SOHLH2: variants seen among roughly 807,000 people sequenced by gnomAD.
SOHLH2 encodes spermatogenesis- and oogenesis-specific basic helix-loop-helix-containing protein 2.
SOHLH2 carries 22 observed loss-of-function variants against 50.4 expected under a neutral mutation model. That is an observed-to-expected ratio of 0.44 (90% confidence interval 0.31 to 0.62). The LOEUF (loss-of-function observed/expected upper bound fraction) is 0.62, where lower values mean the gene tolerates loss of function less well. Ranked by LOEUF, SOHLH2 falls within the 20% of genes least tolerant of loss-of-function variation. The pLI is 0.08. For missense variants in SOHLH2, 412 were observed against 504.4 expected (o/e 0.82, Z 1.76); for synonymous variants, 185 against 187.3 (o/e 0.99, Z 0.10).
chr13:36,204,814 TA>T (rs1456442398), intron 1 of SOHLH2, among the ~76,000 whole-genome samples: 1 of 152,220 alleles, frequency 6.6e-6, no homozygotes, highest in Non-Finnish European at 1.5e-5. Flanking sequence ...GGAACCTTGT[TA>T]AAGTTTTAAT....
intron 2 of SOHLH2, among the ~76,000 whole-genome samples, chr13:36,198,748 T>G (rs975511206): frequency 6.6e-6 from 1 of 152,230 alleles, no homozygotes; most frequent in African/African-American, 2.4e-5. Flanking sequence ...ATAAATCTAA[T>G]ATTATAGCTA....
chr13:36,170,337 C>A (rs1006756001), intron 10 of SOHLH2, among the ~76,000 whole-genome samples, 194 bp downstream of exon 10: 1 of 152,152 alleles, frequency 6.6e-6, no homozygotes, highest in African/African-American at 2.4e-5. Context: ...TATCGAGACA[C>A]CAGCCCTGCA....
intron 6 of SOHLH2, among the ~76,000 whole-genome samples, chr13:36,185,937 T>C (rs996662099): frequency 1.3e-5 from 2 of 152,062 alleles, no homozygotes; most frequent in African/African-American, 2.4e-5. Context: ...CTATCAAACA[T>C]AACATTTCTA....
At chr13:36,205,093 G>A (rs1417549926) in intron 1 of SOHLH2, among the ~76,000 whole-genome samples, 3 of 152,062 alleles carry the variant, frequency 2.0e-5, no homozygotes, top group Non-Finnish European at 2.9e-5. Context: ...ATATAGAAGC[G>A]CTATTGATTT....
At chr13:36,212,410 C>T (rs1869180190) in intron 1 of SOHLH2, among the ~76,000 whole-genome samples, 1 of 152,146 alleles carries the variant, frequency 6.6e-6, no homozygotes, top group Non-Finnish European at 1.5e-5. Flanking sequence ...CTCAAATTAA[C>T]AGAATAGTTT....
At chr13:36,180,652 T>G (rs185999007) in intron 6 of SOHLH2, among the ~76,000 whole-genome samples, 1 of 152,010 alleles carries the variant, frequency 6.6e-6, no homozygotes, top group Non-Finnish European at 1.5e-5. Flanking sequence ...AGTTTTTTTT[T>G]TTTTAATTTC....
In SOHLH2 at chr13:36,201,868, T is replaced by C; in HGVS notation, c.263+11A>G. On this transcript the variant is annotated intron_variant, in intron 2 of 10. Transcript: ENST00000379881. ...TTCTAAAGATACAGCATCAAGGCTT[T>C]TGAAGTTTACCTAATTAACTTGATG... 1 of 1,614,174 alleles carries C rather than the reference T, an allele frequency of 6.2e-7. No individual in the cohort carries two copies. The highest frequency in any genetic ancestry group is 2.2e-5 in the East Asian group (1 of 44,886).
At chr13:36,197,665 A>G (rs562515443) in intron 2 of SOHLH2, among the ~76,000 whole-genome samples, 3 of 152,302 alleles carry the variant, frequency 2.0e-5, no homozygotes, top group Admixed American at 6.5e-5. Context: ...AATGCGGCCA[A>G]ACTAACCTGG....
At chr13:36,200,682 A>C (rs927404466) in intron 2 of SOHLH2, among the ~76,000 whole-genome samples, 58 of 152,210 alleles carry the variant, frequency 3.8e-4, no homozygotes, top group African/African-American at 1.3e-3. Flanking sequence ...ATCTAAATAC[A>C]TCCTAAGTGG....
rs1016187769 is a variant in SOHLH2, at chr13:36,174,393, A to G, written c.881+83T>C. On this transcript the variant is annotated intron_variant, in intron 8 of 10. Coordinates refer to ENST00000379881, the MANE Select transcript of SOHLH2 (RefSeq NM_017826.3). ...AAGCCCCTGCACTTTCACTGTGGATAGCAGTTTTTGTGTACATATTTAGCA... is the reference window on the plus strand; with the variant it reads ...AAGCCCCTGCACTTTCACTGTGGATGGCAGTTTTTGTGTACATATTTAGCA... 12 of 1,563,598 alleles carry G rather than the reference A, an allele frequency of 7.7e-6. No homozygotes were observed. In the African/African-American group the frequency reaches 1.2e-4, roughly 16 times the overall value.
chr13:36,211,330 C>T (rs189263500), intron 1 of SOHLH2, among the ~76,000 whole-genome samples: 2 of 152,260 alleles, frequency 1.3e-5, no homozygotes, highest in East Asian at 3.9e-4. Flanking sequence ...AAATATCCTG[C>T]CACTTTATGT....
At chr13:36,195,184 G>A (rs566545162) in intron 2 of SOHLH2, among the ~76,000 whole-genome samples, 61 of 152,288 alleles carry the variant, frequency 4.0e-4, no homozygotes, top group African/African-American at 1.4e-3. Context: ...GCCAAGAGGA[G>A]TCCACGTCTG....
chr13:36,210,300 A>C (rs80052396), intron 1 of SOHLH2, among the ~76,000 whole-genome samples: 12,551 of 152,182 alleles, frequency 0.082, 599 homozygotes, highest in East Asian at 0.14. Flanking sequence ...TGTTTCTGTC[A>C]ACATTGAGCC....
Position 36,201,954 on chromosome 13 carries a change from C to G in SOHLH2, c.188G>C (p.Cys63Ser), listed in dbSNP as rs775373652. 6.2e-7 allele frequency: 1 copy of G among 1,614,190 alleles called. No individual in the cohort carries two copies. ...TKEAAALLDD[C>S]IFNMVLLKVP... The stretch of plus-strand genomic sequence containing the variant: ...CTTCAAGAGAACCATGTTGAATATG[C>G]AATCATCCAAAAGCGCTGCTGCCTC... The change falls in exon 2 of 11, where the codon TGC (cysteine) becomes TCC (serine). Residue 63 changes from cysteine (C) to serine (S), a missense_variant. Physicochemically the swap from Cys to Ser is moderately radical, Grantham distance 112. Transcript: ENST00000379881.
chr13:36,183,695 G>A (rs968678404), intron 6 of SOHLH2, among the ~76,000 whole-genome samples: 3 of 152,022 alleles, frequency 2.0e-5, no homozygotes, highest in Non-Finnish European at 4.4e-5. Flanking sequence ...CTATTTACAA[G>A]GGACACTCTT....
intron 1 of SOHLH2, among the ~76,000 whole-genome samples, chr13:36,210,637 A>T (rs1247564124): frequency 5.3e-5 from 8 of 152,112 alleles, no homozygotes; most frequent in Admixed American, 4.6e-4. Flanking sequence ...GTAGATGGGG[A>T]GGTTGACCTG....
rs990362329 is a variant in SOHLH2, at chr13:36,174,935, A to G, written c.642-66T>C. On this transcript the variant is annotated intron_variant, in intron 6 of 10. Coordinates refer to ENST00000379881, the MANE Select transcript of SOHLH2 (RefSeq NM_017826.3). Reference sequence around the variant, plus strand: ...ATTGTCTTCATTGTACCCAAAGACAAACAACACTTCCTCCTGGGTATGTTT... The same window carrying G: ...ATTGTCTTCATTGTACCCAAAGACAGACAACACTTCCTCCTGGGTATGTTT... 5.9e-6 allele frequency: 9 copies of G among 1,515,228 alleles called. No individual in the cohort carries two copies. The Admixed American group carries it at 2.1e-4, about 36-fold the overall frequency. 93.9% of individuals were successfully genotyped at this position (1,515,228 alleles called of 1,614,324 possible).
intron 7 of SOHLH2, 53 bp from the exon 8 acceptor site, chr13:36,174,620 C>A: frequency 6.2e-7 from 1 of 1,609,874 alleles, no homozygotes; most frequent in Non-Finnish European, 8.5e-7. Flanking sequence ...TACATAGATA[C>A]AAAGACACAT....
At chr13:36,172,808 TG>T (rs1337167493) in intron 9 of SOHLH2, among the ~76,000 whole-genome samples, 1 of 152,182 alleles carries the variant, frequency 6.6e-6, no homozygotes, top group Non-Finnish European at 1.5e-5. Flanking sequence ...CAGAGCCTGT[TG>T]GAGGAAGTCA....
Sources: gnomAD v4.1 joint callset for allele counts (sites outside exome capture counted in the v4.1 genomes callset) on GRCh38, gnomAD v4.1.1 for gene constraint, MANE v1.5 for transcripts, NCBI Gene and HGNC (gene_info 2026-07-23, HGNC 2026-07-21) for gene names.